Variants in LPXN observed in about 807,000 individuals in gnomAD.
LPXN encodes the protein leupaxin.
In LPXN, 28 loss-of-function variants were observed where a neutral mutation model predicts 45.6. That is an observed-to-expected ratio of 0.61 (90% CI 0.45 to 0.84). The LOEUF is 0.84. LPXN is among the 40% of genes least tolerant of loss of function. The pLI, the probability that LPXN is intolerant of heterozygous loss-of-function variation, is 0.00. For synonymous variants in LPXN, 166 were observed against 169.9 expected, an observed-to-expected ratio of 0.98 and a Z score of 0.18; for missense variants, 459 against 475.0, an observed-to-expected ratio of 0.97 and a Z score of 0.31.
chr11:58,539,033 G>A (rs560268630), intron 7 of LPXN, among the ~76,000 whole-genome samples: 14 of 152,210 alleles, frequency 9.2e-5, no homozygotes, highest in South Asian at 6.2e-4. Flanking sequence ...CTATCAGGGC[G>A]CAGTGGCTCC....
intron 7 of LPXN, among the ~76,000 whole-genome samples, chr11:58,547,851 G>A (rs1330662981): frequency 2.0e-5 from 3 of 151,994 alleles, no homozygotes; most frequent in African/African-American, 7.3e-5. Flanking sequence ...ATTTATGAGA[G>A]GAGAAATCCT....
chr11:58,545,407 C>A (rs2276301), intron 7 of LPXN, among the ~76,000 whole-genome samples: 60,552 of 152,028 alleles, frequency 0.4, 12,185 homozygotes, highest in Middle Eastern at 0.53. Context: ...GCAGTATTCA[C>A]TTGTTGACTG....
chr11:58,572,261 C>T (rs2134358646), intron 1 of LPXN, among the ~76,000 whole-genome samples: 1 of 151,178 alleles, frequency 6.6e-6, no homozygotes, highest in Non-Finnish European at 1.5e-5. Flanking sequence ...ATGAATATTT[C>T]TTAATGGCGT....
chr11:58,546,506 C>T (rs1853879656), intron 7 of LPXN, among the ~76,000 whole-genome samples: 1 of 152,140 alleles, frequency 6.6e-6, no homozygotes, highest in African/African-American at 2.4e-5. Context: ...GCCCATTCCC[C>T]CATCCCCTTT....
At chr11:58,565,865 G>T (rs1854513556) in intron 2 of LPXN, among the ~76,000 whole-genome samples, 1 of 151,714 alleles carries the variant, frequency 6.6e-6, no homozygotes, top group South Asian at 2.1e-4. Flanking sequence ...AGGTATGGTG[G>T]TGGGTGCCTG....
chr11:58,551,224 C>G lies in LPXN; in HGVS notation c.327G>C (p.Val109=), dbSNP rs775928769. The change falls in exon 5 of 9, where the codon GTG becomes GTC. Residue 109 remains valine, a synonymous_variant. Coordinates refer to ENST00000395074, the MANE Select transcript of LPXN (RefSeq NM_004811.3). ...AGTGCTTCTTGCCAGCATCTGCTCT[C>G]ACTGCAACCTGGCCCAAGGGAAGAA... ...HLTEMQAKVA[V]RADAGKKHLP... is the part of the protein sequence containing the mutation. 1.9e-6 allele frequency: 3 copies of G among 1,604,884 alleles called. No individual in the cohort carries two copies. Among genetic ancestry groups the G allele is most frequent in the Non-Finnish European group, 2.6e-6 (3 of 1,176,206 alleles).
At position 58,551,227 on chromosome 11, in the gene LPXN, T is replaced by G; in HGVS notation, c.324A>C (p.Ala108=). 3 of 1,604,470 alleles carry G rather than the reference T, an allele frequency of 1.9e-6. No individual in the cohort carries two copies. Among genetic ancestry groups the G allele is most frequent in the Non-Finnish European group, 2.6e-6 (3 of 1,176,044 alleles). ...GCTTCTTGCCAGCATCTGCTCTCAC[T>G]GCAACCTGGCCCAAGGGAAGAACCA... ...AHLTEMQAKV[A]VRADAGKKHL... Residue 108 remains alanine, a synonymous_variant, in exon 5 of 9, where the codon GCA becomes GCC. Coordinates refer to ENST00000395074, the MANE Select transcript of LPXN (RefSeq NM_004811.3).
At chr11:58,575,438 AG>A (rs1297248629) in intron 1 of LPXN, among the ~76,000 whole-genome samples, 2 of 152,106 alleles carry the variant, frequency 1.3e-5, no homozygotes, top group African/African-American at 4.8e-5. Context: ...CTTGATCTCC[AG>A]TGACCTCCAA....
intron 1 of LPXN, among the ~76,000 whole-genome samples, chr11:58,573,956 T>C (rs375429084): frequency 6.6e-6 from 1 of 152,166 alleles, no homozygotes; most frequent in Non-Finnish European, 1.5e-5. Flanking sequence ...CTTCTGGGTG[T>C]ATACAAGCTG....
chr11:58,570,654 G>A lies in LPXN; in HGVS notation c.73C>T (p.Pro25Ser). The part of the protein sequence containing the change: ...TLQDSDEYSN[P>S]APLPLDQHSR... The stretch of plus-strand genomic sequence containing the variant: ...TGCTGATCCAGGGGAAGAGGAGCTG[G>A]GTTGGAATATTCATCACTGTCCTGA... The change falls in exon 2 of 9, where the codon CCA (proline) becomes TCA (serine). Residue 25 changes from proline to serine, a missense_variant. Coordinates refer to ENST00000395074, the MANE Select transcript of LPXN (RefSeq NM_004811.3). 1 of 1,613,912 alleles carries A rather than the reference G, an allele frequency of 6.2e-7. No individual in the cohort carries two copies. The highest frequency in any genetic ancestry group is 8.5e-7 in the Non-Finnish European group (1 of 1,179,924).
intron 7 of LPXN, among the ~76,000 whole-genome samples, chr11:58,547,957 T>C (rs1366192641): frequency 6.6e-6 from 1 of 150,764 alleles, no homozygotes; most frequent in Non-Finnish European, 1.5e-5. Flanking sequence ...AAAGGAGAAA[T>C]TAAAAAAAAC....
chr11:58,528,177 C>A lies in LPXN; in HGVS notation c.757G>T (p.Asp253Tyr), dbSNP rs764417075. The A allele has an allele frequency of 6.2e-7, 1 of 1,614,120 alleles. No homozygotes were observed. Among genetic ancestry groups the A allele is most frequent in the Non-Finnish European group, 8.5e-7 (1 of 1,180,020 alleles). The stretch of plus-strand genomic sequence containing the variant: ...TCCTTTCGGCAATATGGCTTCTTGT[C>A]CTTCTCATGAAAGCCTGGAGAGATA... ...VFGAEGFHEK[D>Y]KKPYCRKDFL... Residue 253 changes from aspartate to tyrosine, a missense_variant, in exon 8 of 9, where the codon GAC becomes TAC. Transcript: ENST00000395074.
intron 1 of LPXN, among the ~76,000 whole-genome samples, chr11:58,571,579 T>A (rs1854700887): frequency 6.6e-6 from 1 of 151,602 alleles, no homozygotes; most frequent in African/African-American, 2.4e-5. Flanking sequence ...AAAAAATGGT[T>A]GGGGATAAAA....
intron 7 of LPXN, among the ~76,000 whole-genome samples, chr11:58,538,659 G>A (rs1377008772): frequency 6.6e-6 from 1 of 152,128 alleles, no homozygotes; most frequent in African/African-American, 2.4e-5. Flanking sequence ...CACATGAAAA[G>A]GGTTACTGTG....
chr11:58,530,905 G>C (rs1456003145), intron 7 of LPXN, among the ~76,000 whole-genome samples: 1 of 152,204 alleles, frequency 6.6e-6, no homozygotes, highest in African/African-American at 2.4e-5. Flanking sequence ...TAATACCCAG[G>C]CAAACAGGGT....
chr11:58,527,831 A>G lies in LPXN; in HGVS notation c.892-108T>C, dbSNP rs149767569. On this transcript the variant is annotated intron_variant, in intron 8 of 8. Transcript: ENST00000395074. The stretch of plus-strand genomic sequence containing the variant: ...TTCCTGACAGTTACCTGCCAGCTAC[A>G]GGAATTTCCCTCAGGTTCTTGACAA... 185 of 1,218,422 alleles carry G rather than the reference A, an allele frequency of 1.5e-4. No homozygotes were observed. In the East Asian group the frequency reaches 4.5e-3, roughly 30 times the overall value. The allele number at this position is 1,218,422 out of a possible 1,614,324, so 75.5% of individuals were successfully genotyped here.
In LPXN at chr11:58,570,666, C is replaced by T. The variant is rs1854665646; in HGVS notation, c.61G>A (p.Glu21Lys). The change falls in exon 2 of 9, where the codon GAA becomes AAA. Residue 21 changes from glutamate to lysine, a missense_variant. Transcript: ENST00000395074. ...GGAAGAGGAGCTGGGTTGGAATATT[C>T]ATCACTGTCCTGAAGGGTGGAGCGT... ...LERSTLQDSD[E>K]YSNPAPLPLD... 1 of 1,613,794 alleles carries T rather than the reference C, an allele frequency of 6.2e-7. No individual in the cohort carries two copies. The highest frequency in any genetic ancestry group is 1.1e-5 in the South Asian group (1 of 91,074).
chr11:58,578,402 G>GTT (rs1315944931), upstream of LPXN, among the ~76,000 whole-genome samples: 1 of 152,004 alleles, frequency 6.6e-6, no homozygotes, highest in Non-Finnish European at 1.5e-5. Flanking sequence ...TCATCTCCCA[G>GTT]AATGCCCTTG....
At chr11:58,528,283 C>T in intron 7 of LPXN, 92 bp from the exon 8 acceptor site, 1 of 1,143,292 alleles carries the variant, frequency 8.7e-7, no homozygotes, top group Non-Finnish European at 1.3e-6. Context: ...TCTCAGTGTC[C>T]TCATATTCAA....
Sources: allele counts gnomAD v4.1 joint callset (sites outside exome capture counted in the v4.1 genomes callset), GRCh38; gene constraint gnomAD v4.1.1; transcripts MANE v1.5; gene names NCBI Gene and HGNC (gene_info 2026-07-23, HGNC 2026-07-21).